LRP2: variants seen among roughly 807,000 people sequenced by gnomAD.
The protein encoded by LRP2 is low-density lipoprotein receptor-related protein 2.
In LRP2, 172 loss-of-function variants were observed where a neutral mutation model predicts 531.0. That is an observed-to-expected ratio of 0.32 (90% CI 0.29 to 0.37). The LOEUF (loss-of-function observed/expected upper bound fraction) is 0.37, where lower values mean the gene tolerates loss of function less well. Among genes scored for constraint, LRP2 ranks in the 10% least tolerant of loss-of-function variants. The pLI is 1.00. For synonymous variants in LRP2, 1,992 were observed against 2,027.6 expected, an observed-to-expected ratio of 0.98 and a Z score of 0.47; for missense variants, 5,167 against 5,868.3, an observed-to-expected ratio of 0.88 and a Z score of 3.90.
intron 44 of LRP2, among the ~76,000 whole-genome samples, chr2:169,199,162 T>C (rs16823028): frequency 1.4e-3 from 214 of 152,340 alleles, no homozygotes; most frequent in African/African-American, 4.9e-3. Flanking sequence ...TCTGTTTTCA[T>C]TAATTAATAG....
chr2:169,358,480 AC>A (rs1445666722), intron 1 of LRP2, among the ~76,000 whole-genome samples: 1 of 152,220 alleles, frequency 6.6e-6, no homozygotes, highest in Non-Finnish European at 1.5e-5. Flanking sequence ...TCTTATGAAG[AC>A]TGGTAAAGAG....
intron 40 of LRP2, 75 bp downstream of exon 40, chr2:169,205,948 T>C: frequency 6.4e-7 from 1 of 1,563,534 alleles, no homozygotes. Context: ...ATTGGCTATC[T>C]ATGAACATAA....
At position 169,320,765 on chromosome 2, in the gene LRP2, C is replaced by T. The variant is rs1372039543; in HGVS notation, c.187+12G>A. The T allele has an allele frequency of 3.1e-6, 5 of 1,609,312 alleles. No individual in the cohort carries two copies. In the East Asian group the frequency reaches 1.1e-4, roughly 36 times the overall value. On this transcript the variant is annotated intron_variant, in intron 2 of 78. Transcript: ENST00000649046. Reference sequence around the variant, plus strand: ...CTCAAAATAGAACTTAGCCTGGCCCCTCCTCACTTACCGCAGCCAATTTCA... The same window carrying T: ...CTCAAAATAGAACTTAGCCTGGCCCTTCCTCACTTACCGCAGCCAATTTCA...
chr2:169,153,050 C>G (rs1476740672), intron 66 of LRP2, 86 bp from the exon 67 acceptor site: 2 of 1,185,476 alleles, frequency 1.7e-6, no homozygotes, highest in African/African-American at 3.0e-5. Context: ...AAGTACTGTT[C>G]GTTTATTGAC....
chr2:169,130,040 A>T (rs1394009305), intron 77 of LRP2, among the ~76,000 whole-genome samples: 2 of 152,236 alleles, frequency 1.3e-5, no homozygotes, highest in African/African-American at 4.8e-5. Context: ...CATTCAAGTG[A>T]GAACCTGCTT....
intron 70 of LRP2, 128 bp from the exon 71 acceptor site, chr2:169,142,921 G>T: frequency 1.0e-6 from 1 of 982,084 alleles, no homozygotes; most frequent in Non-Finnish European, 1.6e-6. Flanking sequence ...TCGTCCACGT[G>T]TCAGCTGGCC....
In LRP2 at chr2:169,342,599, A is replaced by G. The variant is rs181079561; in HGVS notation, c.79+19722T>C. Among the ~76,000 whole-genome samples the G allele has an allele frequency of 5.3e-5, 8 of 151,984 alleles. No individual in the cohort carries two copies. In the East Asian group the frequency reaches 5.8e-4, roughly 11 times the overall value. ...AAATCCTCCACAGTCCACTCTCCCAACTCCTTCAAGACTCAGTTCAAATGG... is the reference window on the plus strand; with the variant it reads ...AAATCCTCCACAGTCCACTCTCCCAGCTCCTTCAAGACTCAGTTCAAATGG... On this transcript the variant is annotated intron_variant, in intron 1 of 78. Transcript: ENST00000649046.
rs1686089098 is a variant in LRP2 at position 169,150,781 on chromosome 2, C to T, written c.12590+117G>A. 14 of 1,307,318 alleles carry T rather than the reference C, an allele frequency of 1.1e-5. No individual in the cohort carries two copies. The South Asian group carries it at 1.6e-4, about 15-fold the overall frequency. 81.0% of individuals were successfully genotyped at this position (1,307,318 alleles called of 1,614,324 possible). A position where few individuals can be genotyped will look rare whatever the true frequency, so the allele number is the denominator to read the frequency against. On this transcript the variant is annotated intron_variant, in intron 68 of 78. Coordinates refer to ENST00000649046, the MANE Select transcript of LRP2 (RefSeq NM_004525.3). ...TTGAAACAGTCATAGACGCTACTCC[C>T]AAAAACTTGAAGGACAATTTCAGTT...
chr2:169,158,642 T>C (rs1411185969), intron 63 of LRP2, among the ~76,000 whole-genome samples: 1 of 149,264 alleles, frequency 6.7e-6, no homozygotes, highest in Non-Finnish European at 1.5e-5. Context: ...ACATGGGAAA[T>C]ACCTATAATA....
chr2:169,191,732 G>A, intron 48 of LRP2, 100 bp downstream of exon 48: 1 of 930,128 alleles, frequency 1.1e-6, no homozygotes, highest in Non-Finnish European at 1.8e-6. Flanking sequence ...AAGCATCATG[G>A]GCCCTGGGCA....
chr2:169,313,005 C>T (rs749817551), intron 3 of LRP2, among the ~76,000 whole-genome samples: 5 of 152,182 alleles, frequency 3.3e-5, no homozygotes, highest in Non-Finnish European at 4.4e-5. Context: ...CGGCTATTGA[C>T]GCTTGTGCAT....
intron 3 of LRP2, among the ~76,000 whole-genome samples, chr2:169,317,557 A>C (rs1684797060): frequency 6.6e-6 from 1 of 152,066 alleles, no homozygotes; most frequent in Non-Finnish European, 1.5e-5. Context: ...CCCTGGAACA[A>C]CCCTATAGTT....
intron 1 of LRP2, among the ~76,000 whole-genome samples, chr2:169,338,966 A>G (rs1423927198): frequency 1.3e-5 from 2 of 152,314 alleles, no homozygotes; most frequent in East Asian, 3.9e-4. Context: ...TACTCATAAC[A>G]TTAATATGAG....
Position 169,127,569 on chromosome 2 carries a change from A to AAGAAAAG in LRP2, c.*1087_*1093dup, listed in dbSNP as rs1685142428. The AAGAAAAG allele has an allele frequency of 6.7e-6, 1 of 150,102 alleles. No individual in the cohort carries two copies. The highest frequency in any genetic ancestry group is 1.5e-5 in the Non-Finnish European group (1 of 67,374). The allele number at this position is 150,102 out of a possible 1,614,324, so 9.3% of individuals were successfully genotyped here. On this transcript the variant is annotated 3_prime_UTR_variant, in exon 79 of 79. Coordinates refer to ENST00000649046, the MANE Select transcript of LRP2 (RefSeq NM_004525.3). ...AAAAAAAAAAAACCAATAAGAATTA[A>AAGAAAAG]AGAAAAGATCTGGACTGTACAGTAC...
intron 1 of LRP2, among the ~76,000 whole-genome samples, chr2:169,326,933 C>T (rs1685082775): frequency 6.6e-6 from 1 of 151,408 alleles, no homozygotes; most frequent in Non-Finnish European, 1.5e-5. Flanking sequence ...TGAGGAGCGT[C>T]TCTGCCCAGC....
intron 1 of LRP2, among the ~76,000 whole-genome samples, chr2:169,351,319 C>G (rs993494552): frequency 6.6e-6 from 1 of 152,058 alleles, no homozygotes; most frequent in Admixed American, 6.6e-5. Flanking sequence ...ATAGGCACAT[C>G]TGTACAAGAA....
chr2:169,243,033 C>G lies in LRP2; in HGVS notation c.3590G>C (p.Gly1197Ala), dbSNP rs760417303. ...ATTTGTGACGCCAATACATTTATCC[C>G]CACTGGCACACTTGAATTGAGAAGC... Reference protein sequence around the residue: ...CTASQFKCASGDKCIGVTNRC... With the variant: ...CTASQFKCASADKCIGVTNRC... Residue 1197 changes from glycine (G) to alanine (A), a missense_variant, in exon 24 of 79, where the codon GGG becomes GCG. Transcript: ENST00000649046. 12 of 1,613,932 alleles carry G rather than the reference C, an allele frequency of 7.4e-6. No individual in the cohort carries two copies. Among genetic ancestry groups the G allele is most frequent in the South Asian group, 1.1e-5 (1 of 91,074 alleles).
At position 169,169,648 on chromosome 2, in the gene LRP2, T is replaced by C. The variant is rs187012003; in HGVS notation, c.11497+54A>G. ...AGCGGCAGCGGACTGATGTCTAAAC[T>C]ATCATATCCATGCTCTCAGGTAAGC... On this transcript the variant is annotated intron_variant, in intron 60 of 78. Transcript: ENST00000649046. 1.0e-4 allele frequency: 143 copies of C among 1,382,110 alleles called. 3 individuals carry two copies. In the East Asian group the frequency reaches 2.2e-3, roughly 21 times the overall value. 85.6% of individuals were successfully genotyped at this position (1,382,110 alleles called of 1,614,324 possible).
intron 4 of LRP2, among the ~76,000 whole-genome samples, chr2:169,296,097 G>A (rs1416467459): frequency 6.6e-6 from 1 of 151,970 alleles, no homozygotes; most frequent in East Asian, 1.9e-4. Context: ...TACTAAACTT[G>A]TGCCATGTTA....
Sources: gnomAD v4.1 joint callset for allele counts (sites outside exome capture counted in the v4.1 genomes callset) on GRCh38, gnomAD v4.1.1 for gene constraint, MANE v1.5 for transcripts, NCBI Gene and HGNC (gene_info 2026-07-23, HGNC 2026-07-21) for gene names.